Variants in CUX2 observed in about 807,000 individuals in gnomAD.
CUX2 encodes the protein homeobox protein cut-like 2.
A neutral mutation model predicts 144.8 loss-of-function variants in CUX2; 40 were observed. The observed-to-expected ratio is 0.28, with a 90% CI of 0.21 to 0.36. The LOEUF (loss-of-function observed/expected upper bound fraction) is 0.36, where lower values mean the gene tolerates loss of function less well. Among genes scored for constraint, CUX2 ranks in the 10% least tolerant of loss-of-function variants. The pLI, the probability that CUX2 is intolerant of heterozygous loss-of-function variation, is 1.00. For synonymous variants in CUX2, 827 were observed against 875.6 expected, an observed-to-expected ratio of 0.94 and a Z score of 0.98; for missense variants, 1,615 against 1,994.0, an observed-to-expected ratio of 0.81 and a Z score of 3.62.
intron 4 of CUX2, among the ~76,000 whole-genome samples, chr12:111,283,504 A>G (rs1235452631): frequency 1.3e-5 from 2 of 152,148 alleles, no homozygotes; most frequent in Non-Finnish European, 1.5e-5. Flanking sequence ...GAGTCCACAG[A>G]TGACGGGCAC....
chr12:111,316,072 C>T (rs1397272587), intron 16 of CUX2, among the ~76,000 whole-genome samples: 2 of 151,588 alleles, frequency 1.3e-5, no homozygotes, highest in Non-Finnish European at 1.5e-5. Flanking sequence ...GCATGCTCCT[C>T]TGTGCTCCCA....
intron 4 of CUX2, among the ~76,000 whole-genome samples, chr12:111,274,485 T>A (rs542079617): frequency 6.6e-6 from 1 of 152,142 alleles, no homozygotes; most frequent in South Asian, 2.1e-4. Context: ...GGTGGTGGTA[T>A]TATTATTACC....
At chr12:111,123,109 C>A (rs1024337641) in intron 1 of CUX2, among the ~76,000 whole-genome samples, 7 of 152,232 alleles carry the variant, frequency 4.6e-5, no homozygotes, top group African/African-American at 1.7e-4. Flanking sequence ...TGACCCAGTC[C>A]TGAAGGGACT....
rs931721632 is a variant in CUX2 at position 111,077,806 on chromosome 12, C to A, written c.63+43566C>A. Among the ~76,000 whole-genome samples, 11 of 152,162 alleles carry A rather than the reference C, an allele frequency of 7.2e-5. No homozygotes were observed. Among genetic ancestry groups the A allele is most frequent in the South Asian group, 2.1e-4 (1 of 4,820 alleles). ...CCACCTCAAATGGCAGCATTTGATT[C>A]ATCTTCTGATTAGTTGGGAAATCCA... On this transcript the variant is annotated intron_variant, in intron 1 of 21. Coordinates refer to ENST00000261726, the MANE Select transcript of CUX2 (RefSeq NM_015267.4). This position sits in a 1 kb window ranked among gnomAD's most constrained non-coding sequence, Gnocchi z 4.1.
Position 111,158,608 on chromosome 12 carries a change from G to A in CUX2, c.64-55592G>A, listed in dbSNP as rs192164639. Among the ~76,000 whole-genome samples, 1,110 of 152,166 alleles carry A rather than the reference G, an allele frequency of 7.3e-3. 13 individuals carry two copies. The highest frequency in any genetic ancestry group is 0.025 in the African/African-American group (1,057 of 41,502). On this transcript the variant is annotated intron_variant, in intron 1 of 21. Transcript: ENST00000261726. Reference sequence around the variant, plus strand: ...GGAGGAACAGCTGTTTTGAAAGCCCGGAGCATCTGCATGAAGATGGGTGAC... The same window carrying A: ...GGAGGAACAGCTGTTTTGAAAGCCCAGAGCATCTGCATGAAGATGGGTGAC...
intron 1 of CUX2, among the ~76,000 whole-genome samples, chr12:111,205,582 C>G (rs1880873918): frequency 6.6e-6 from 1 of 152,210 alleles, no homozygotes; most frequent in Non-Finnish European, 1.5e-5. Flanking sequence ...CCTTGAGGGA[C>G]TGTGTGCCAT....
chr12:111,108,722 G>A (rs770378708), intron 1 of CUX2, among the ~76,000 whole-genome samples: 17 of 101,870 alleles, frequency 1.7e-4, no homozygotes, highest in African/African-American at 1.0e-3. Context: ...CACTCTCCTC[G>A]CCCCACTCTC....
rs372399847 is a variant in CUX2, at chr12:111,034,975, C to T, written c.63+735C>T. On this transcript the variant is annotated intron_variant, in intron 1 of 21. Transcript: ENST00000261726. The surrounding 1 kb of genome is among the most constrained non-coding windows in gnomAD (Gnocchi z 4.2). The stretch of plus-strand genomic sequence containing the variant: ...GTCTTGCTTCTTGCCTTTACCCCCC[C>T]GCCCCTTCCATCCCCTTCCCAAGTC... Among the ~76,000 whole-genome samples, 14 of 152,224 alleles carry T rather than the reference C, an allele frequency of 9.2e-5. No individual in the cohort carries two copies. The South Asian group carries it at 1.7e-3, about 18-fold the overall frequency.
chr12:111,325,434 A>G (rs1887728978), intron 18 of CUX2, among the ~76,000 whole-genome samples: 1 of 152,122 alleles, frequency 6.6e-6, no homozygotes, highest in Non-Finnish European at 1.5e-5. Flanking sequence ...TTTCCATTTC[A>G]CAGATGAGGA....
chr12:111,349,384 C>T lies in CUX2; in HGVS notation c.*1059C>T, dbSNP rs563088278. 9 of 152,320 alleles carry T rather than the reference C, an allele frequency of 5.9e-5. No homozygotes were observed. The highest frequency in any genetic ancestry group is 1.2e-4 in the African/African-American group (5 of 41,558). 9.4% of individuals were successfully genotyped at this position (152,320 alleles called of 1,614,324 possible). On this transcript the variant is annotated 3_prime_UTR_variant, in exon 22 of 22. Transcript: ENST00000261726. Reference sequence around the variant, plus strand: ...CCCTCTTGGTGTTTTCCGAAAGTGACAGTGTTGGTCATCCCATGACCACTG... The same window carrying T: ...CCCTCTTGGTGTTTTCCGAAAGTGATAGTGTTGGTCATCCCATGACCACTG...
intron 18 of CUX2, among the ~76,000 whole-genome samples, chr12:111,331,952 C>T (rs956733452): frequency 4.6e-5 from 7 of 151,716 alleles, no homozygotes; most frequent in South Asian, 2.1e-4. Flanking sequence ...TGGTGGCAAA[C>T]GCTTGTAATC....
Position 111,287,809 on chromosome 12 carries a change from C to T in CUX2, c.302-3609C>T, listed in dbSNP as rs1026749658. Among the ~76,000 whole-genome samples, 8 of 152,214 alleles carry T rather than the reference C, an allele frequency of 5.3e-5. No individual in the cohort carries two copies. The highest frequency in any genetic ancestry group is 9.7e-5 in the African/African-American group (4 of 41,448). On this transcript the variant is annotated intron_variant, in intron 4 of 21. Coordinates refer to ENST00000261726, the MANE Select transcript of CUX2 (RefSeq NM_015267.4). This position sits in a 1 kb window ranked among gnomAD's most constrained non-coding sequence, Gnocchi z 4.2. ...CCACAGCAGAGTAAAACAGGGAAGC[C>T]GCCTTGTTCCAGCCGGACCTGAAGG... is the stretch of plus-strand genomic sequence containing the variant.
intron 9 of CUX2, among the ~76,000 whole-genome samples, chr12:111,301,628 C>T (rs566494039): frequency 2.6e-5 from 4 of 152,220 alleles, no homozygotes; most frequent in African/African-American, 9.6e-5. Context: ...AGGGATCCTC[C>T]CAAGTAGCAA....
Position 111,069,540 on chromosome 12 carries a change from G to GTA in CUX2, c.63+35301_63+35302insAT, listed in dbSNP as rs1566199209. Among the ~76,000 whole-genome samples, 542 of 141,802 alleles carry GTA rather than the reference G, an allele frequency of 3.8e-3. 3 individuals carry two copies. The highest frequency in any genetic ancestry group is 0.017 in the African/African-American group (524 of 31,722). 93.0% of individuals were successfully genotyped at this position (141,802 alleles called of 152,430 possible). A position where few individuals can be genotyped will look rare whatever the true frequency, so the allele number is the denominator to read the frequency against. The stretch of plus-strand genomic sequence containing the variant: ...TTGCTCTGTGTGTGTGTGTGTGTGT[G>GTA]TGTGTGTGTGTGCGCGCGCGTGTGT... On this transcript the variant is annotated intron_variant, in intron 1 of 21. Coordinates refer to ENST00000261726, the MANE Select transcript of CUX2 (RefSeq NM_015267.4).
chr12:111,267,451 C>T (rs1029627961), intron 4 of CUX2, among the ~76,000 whole-genome samples: 3 of 152,098 alleles, frequency 2.0e-5, no homozygotes, highest in East Asian at 1.9e-4. Flanking sequence ...AGGTTGAGCC[C>T]GATGCCCAAG....
chr12:111,308,412 C>T lies in CUX2; in HGVS notation c.1159-15C>T, dbSNP rs1592946922. The T allele has an allele frequency of 1.2e-6, 2 of 1,614,072 alleles. No homozygotes were observed. On this transcript the variant is annotated splice_polypyrimidine_tract_variant and intron_variant, in intron 13 of 21. Coordinates refer to ENST00000261726, the MANE Select transcript of CUX2 (RefSeq NM_015267.4). The stretch of plus-strand genomic sequence containing the variant: ...GCCCACCAGGTGCCCTCTCAACCTG[C>T]CTCTTGTCTCCTAGGGCATGGCCAA...
chr12:111,279,536 G>A (rs1202737233), intron 4 of CUX2, among the ~76,000 whole-genome samples: 2 of 152,228 alleles, frequency 1.3e-5, no homozygotes, highest in South Asian at 2.1e-4. Context: ...CAGAAGAAGA[G>A]GAGAGGCCAG....
At chr12:111,140,996 C>T (rs572411894) in intron 1 of CUX2, among the ~76,000 whole-genome samples, 2 of 151,972 alleles carry the variant, frequency 1.3e-5, no homozygotes, top group Non-Finnish European at 2.9e-5. Context: ...GGAGATGGCA[C>T]GTGAAGGGAG....
chr12:111,241,290 C>T (rs1021259071), intron 3 of CUX2, among the ~76,000 whole-genome samples: 3 of 152,168 alleles, frequency 2.0e-5, no homozygotes, highest in Non-Finnish European at 4.4e-5. Flanking sequence ...TCCACCCCCA[C>T]GGCCCAAACA....
Sources: gnomAD v4.1 joint callset for allele counts (sites outside exome capture counted in the v4.1 genomes callset) on GRCh38, gnomAD v4.1.1 for gene constraint, Gnocchi (gnomAD v3.1) non-coding constraint, MANE v1.5 for transcripts, NCBI Gene and HGNC (gene_info 2026-07-23, HGNC 2026-07-21) for gene names.